Variants in TOLLIP observed in about 807,000 individuals in gnomAD.
TOLLIP encodes the protein toll interacting protein, also known as toll-interacting protein.
TOLLIP carries 16 observed loss-of-function variants against 33.5 expected under a neutral mutation model. The ratio of observed to expected loss-of-function variants is 0.48; its 90% confidence interval spans 0.32 to 0.72. The LOEUF (loss-of-function observed/expected upper bound fraction) is 0.72. TOLLIP is among the 30% of genes least tolerant of loss of function. The pLI is 0.03. For missense variants in TOLLIP, 325 were observed against 396.6 expected, an observed-to-expected ratio of 0.82 and a Z score of 1.53; for synonymous variants, 176 against 163.7, an observed-to-expected ratio of 1.07 and a Z score of -0.57.
rs1863381192 is a variant in TOLLIP at position 1,278,401 on chromosome 11, A to G, written c.611-1148T>C. On this transcript the variant is annotated intron_variant, in intron 5 of 5. Coordinates refer to ENST00000317204, the MANE Select transcript of TOLLIP (RefSeq NM_019009.4). The surrounding 1 kb of genome is among the most constrained non-coding windows in gnomAD (Gnocchi z 4.7). Reference sequence around the variant, plus strand: ...TAGGATAGGACTTTTGTTCCTTTCTACACTTGGAGGATCCTAAAGGCAGCA... The same window carrying G: ...TAGGATAGGACTTTTGTTCCTTTCTGCACTTGGAGGATCCTAAAGGCAGCA... Among the ~76,000 whole-genome samples, 1 of 152,150 alleles carries G rather than the reference A, an allele frequency of 6.6e-6. No homozygotes were observed. The highest frequency in any genetic ancestry group is 2.1e-4 in the South Asian group (1 of 4,822).
rs1255720385 is a variant in TOLLIP, at chr11:1,288,733, G to A, written c.410C>T (p.Thr137Ile). 2 of 1,612,896 alleles carry A rather than the reference G, an allele frequency of 1.2e-6. No homozygotes were observed. Among genetic ancestry groups the A allele is most frequent in the South Asian group, 2.2e-5 (2 of 91,084 alleles). The change falls in exon 4 of 6, where the codon ACC becomes ATC. Residue 137 changes from threonine to isoleucine, a missense_variant. Physicochemically the swap from Thr to Ile is moderately conservative, Grantham distance 89 (BLOSUM62 -1). Transcript: ENST00000317204. ...MDDRIAWTHI[T>I]IPESLRQGKV... ...GCCCTGCCTCAGGGACTCCGGGATGGTGATGTGGGTCCAGGCAATGCGGTC... is the reference window on the plus strand; with the variant it reads ...GCCCTGCCTCAGGGACTCCGGGATGATGATGTGGGTCCAGGCAATGCGGTC...
chr11:1,290,039 A>C lies in TOLLIP; in HGVS notation c.366+188T>G, dbSNP rs1306914465. 2 of 603,826 alleles carry C rather than the reference A, an allele frequency of 3.3e-6. No individual in the cohort carries two copies. The highest frequency in any genetic ancestry group is 5.6e-5 in the East Asian group (2 of 35,916). The allele number at this position is 603,826 out of a possible 1,614,324, so 37.4% of individuals were successfully genotyped here. A position where few individuals can be genotyped will look rare whatever the true frequency, so the allele number is the denominator to read the frequency against. ...TTTCCAAATGTAAGTATGTTCAAGG[A>C]GCTGGAAACAATCCCTTTTTCACAT... On this transcript the variant is annotated intron_variant, in intron 3 of 5. Transcript: ENST00000317204. This position sits in a 1 kb window ranked among gnomAD's most constrained non-coding sequence, Gnocchi z 4.9.
chr11:1,276,853 T>A lies in TOLLIP; in HGVS notation c.*186A>T, dbSNP rs973219916. On this transcript the variant is annotated 3_prime_UTR_variant, in exon 6 of 6. Coordinates refer to ENST00000317204, the MANE Select transcript of TOLLIP (RefSeq NM_019009.4). ...TGGGAGGGGAGCCCCCGCCCCGTCC[T>A]GGACCGCCAGGAACCGAAAACCCAC... 5.9e-6 allele frequency: 9 copies of A among 1,534,248 alleles called. No homozygotes were observed. The highest frequency in any genetic ancestry group is 2.0e-5 in the Admixed American group (1 of 50,972).
chr11:1,285,286 A>G (rs913584460), intron 5 of TOLLIP, among the ~76,000 whole-genome samples: 1 of 152,292 alleles, frequency 6.6e-6, no homozygotes, highest in East Asian at 1.9e-4. Context: ...AGAACGAGAG[A>G]GGCCACCTCA....
Position 1,277,312 on chromosome 11 carries a change from G to A in TOLLIP, c.611-59C>T. On this transcript the variant is annotated intron_variant, in intron 5 of 5. Transcript: ENST00000317204. This position sits in a 1 kb window ranked among gnomAD's most constrained non-coding sequence, Gnocchi z 4.2. ...GGAAAGTTCCAGAAGTGCCACACTA[G>A]CTCCTGCTGAAGGAAGAAAACAACG... 1 of 1,362,924 alleles carries A rather than the reference G, an allele frequency of 7.3e-7. No individual in the cohort carries two copies. The highest frequency in any genetic ancestry group is 9.9e-7 in the Non-Finnish European group (1 of 1,009,634). The allele number at this position is 1,362,924 out of a possible 1,614,324, so 84.4% of individuals were successfully genotyped here.
In TOLLIP at chr11:1,303,475, C is replaced by T. The variant is rs1456379240; in HGVS notation, c.33+5991G>A. 6.6e-6 allele frequency among the ~76,000 whole-genome samples: 1 copy of T among 152,190 alleles called. No homozygotes were observed. Among genetic ancestry groups the T allele is most frequent in the African/African-American group, 2.4e-5 (1 of 41,450 alleles). On this transcript the variant is annotated intron_variant, in intron 1 of 5. Transcript: ENST00000317204. The surrounding 1 kb of genome is among the most constrained non-coding windows in gnomAD (Gnocchi z 4.2). The stretch of plus-strand genomic sequence containing the variant: ...CACCCCTGCTCCTGGGATGCTTACA[C>T]GTGAGTGGAAGAAGACAAACGGGAA...
intron 4 of TOLLIP, among the ~76,000 whole-genome samples, chr11:1,287,591 GCCTCCCCGCCGCAC>G (rs1863771823): frequency 4.0e-4 from 2 of 4,982 alleles, no homozygotes; most frequent in Admixed American, 1.6e-3. Flanking sequence ...CCCCGCCGCA[GCCTCCCCGCCGCAC>G]CCTCCCCGCC....
intron 1 of TOLLIP, among the ~76,000 whole-genome samples, chr11:1,304,614 T>C (rs1864375362): frequency 6.6e-6 from 1 of 152,212 alleles, no homozygotes; most frequent in Non-Finnish European, 1.5e-5. Flanking sequence ...CTTTATTTAT[T>C]CTTTAGCCGG....
intron 3 of TOLLIP, among the ~76,000 whole-genome samples, chr11:1,289,282 G>GGGAGGAAAA (rs1213065283): frequency 1.3e-5 from 2 of 152,280 alleles, no homozygotes; most frequent in South Asian, 2.1e-4. Context: ...GAGAAAAGCC[G>GGGAGGAAAA]GGAGGAAAAG....
chr11:1,277,541 C>T lies in TOLLIP; in HGVS notation c.611-288G>A, dbSNP rs1045541359. Among the ~76,000 whole-genome samples, 3 of 152,166 alleles carry T rather than the reference C, an allele frequency of 2.0e-5. No homozygotes were observed. Among genetic ancestry groups the T allele is most frequent in the Non-Finnish European group, 4.4e-5 (3 of 68,030 alleles). ...AAAGTTTGATCTTTCAAATCTCACC[C>T]GAGTCTGTTTTATAACTAGCAGGCT... On this transcript the variant is annotated intron_variant, in intron 5 of 5. Coordinates refer to ENST00000317204, the MANE Select transcript of TOLLIP (RefSeq NM_019009.4). This position sits in a 1 kb window ranked among gnomAD's most constrained non-coding sequence, Gnocchi z 4.2.
At position 1,275,669 on chromosome 11, in the gene TOLLIP, A is replaced by T. The variant is rs1420501173; in HGVS notation, c.*1370T>A. The T allele has an allele frequency of 1.3e-5, 2 of 152,212 alleles. No individual in the cohort carries two copies. Among genetic ancestry groups the T allele is most frequent in the African/African-American group, 4.8e-5 (2 of 41,444 alleles). 9.4% of individuals were successfully genotyped at this position (152,212 alleles called of 1,614,324 possible). On this transcript the variant is annotated 3_prime_UTR_variant, in exon 6 of 6. Transcript: ENST00000317204. ...ACAAAAATAAATATTTATCAACAGT[A>T]TATTTGACAAAAACCACCCCCAATC...
chr11:1,276,892 C>T lies in TOLLIP; in HGVS notation c.*147G>A. The T allele has an allele frequency of 1.3e-6, 2 of 1,552,706 alleles. No homozygotes were observed. Among genetic ancestry groups the T allele is most frequent in the Non-Finnish European group, 8.7e-7 (1 of 1,153,384 alleles). ...CCGAAAACCCACATGCACCCAAGAA[C>T]AGGTGTGGACGGGGCGGCACAGAAG... is the stretch of plus-strand genomic sequence containing the variant. On this transcript the variant is annotated 3_prime_UTR_variant, in exon 6 of 6. Transcript: ENST00000317204.
At chr11:1,287,098 T>G (rs912756083) in intron 4 of TOLLIP, among the ~76,000 whole-genome samples, 1 of 151,686 alleles carries the variant, frequency 6.6e-6, no homozygotes, top group Non-Finnish European at 1.5e-5. Context: ...CGTCTCTGAG[T>G]TCAAAACTGT....
At chr11:1,282,802 T>A in intron 5 of TOLLIP, among the ~76,000 whole-genome samples, 1 of 146,504 alleles carries the variant, frequency 6.8e-6, no homozygotes, top group East Asian at 2.0e-4. Flanking sequence ...AATAAATAAA[T>A]AAAATAGGAA....
At position 1,275,110 on chromosome 11, in the gene TOLLIP, G is replaced by A. The variant is rs545654663; in HGVS notation, c.*1929C>T. On this transcript the variant is annotated 3_prime_UTR_variant, in exon 6 of 6. Transcript: ENST00000317204. The stretch of plus-strand genomic sequence containing the variant: ...GCGGCAAGCGTGGTCATCGGCAAAG[G>A]GTTGCTCTCCCTCCAGCGAGGCTGG... 8 of 152,318 alleles carry A rather than the reference G, an allele frequency of 5.3e-5. No individual in the cohort carries two copies. The highest frequency in any genetic ancestry group is 1.7e-4 in the African/African-American group (7 of 41,578). The allele number at this position is 152,318 out of a possible 1,614,324, so 9.4% of individuals were successfully genotyped here.
rs763753534 is a variant in TOLLIP at position 1,295,785 on chromosome 11, C to T, written c.43G>A (p.Gly15Ser). 1.1e-5 allele frequency: 18 copies of T among 1,570,908 alleles called. No homozygotes were observed. The highest frequency in any genetic ancestry group is 1.0e-5 in the Non-Finnish European group (12 of 1,156,994). ...VSTQRGPVYI[G>S]ELPQDFLRIT... ...CGGAGGAAGTCCTGCGGGAGCTCAC[C>T]GATGTACACCTGCGGGGCCGGGGAC... is the stretch of plus-strand genomic sequence containing the variant. The change falls in exon 2 of 6, where the codon GGT (glycine) becomes AGT (serine). Residue 15 changes from glycine (G) to serine (S), a missense_variant. Gly to Ser is a moderately conservative substitution (Grantham distance 56). Coordinates refer to ENST00000317204, the MANE Select transcript of TOLLIP (RefSeq NM_019009.4).
chr11:1,297,234 A>T (rs1371946639), intron 1 of TOLLIP, among the ~76,000 whole-genome samples: 6 of 152,014 alleles, frequency 3.9e-5, no homozygotes, highest in Non-Finnish European at 7.4e-5. Flanking sequence ...TGTGCCATGG[A>T]CTCCCAATGA....
In TOLLIP at chr11:1,275,138, C is replaced by G. The variant is rs1590200238; in HGVS notation, c.*1901G>C. The G allele has an allele frequency of 6.6e-6, 1 of 152,216 alleles. No homozygotes were observed. Among genetic ancestry groups the G allele is most frequent in the East Asian group, 1.9e-4 (1 of 5,196 alleles). The allele number at this position is 152,216 out of a possible 1,614,324, so 9.4% of individuals were successfully genotyped here. A position where few individuals can be genotyped will look rare whatever the true frequency, so the allele number is the denominator to read the frequency against. On this transcript the variant is annotated 3_prime_UTR_variant, in exon 6 of 6. Transcript: ENST00000317204. Reference sequence around the variant, plus strand: ...TGCTCTCCCTCCAGCGAGGCTGGCCCCCACTGTGTGGGTCCCTCGGGCCCC... The same window carrying G: ...TGCTCTCCCTCCAGCGAGGCTGGCCGCCACTGTGTGGGTCCCTCGGGCCCC...
Position 1,290,498 on chromosome 11 carries a change from A to C in TOLLIP, c.184-89T>G. The C allele has an allele frequency of 1.6e-6, 2 of 1,278,110 alleles. No individual in the cohort carries two copies. The highest frequency in any genetic ancestry group is 2.2e-6 in the Non-Finnish European group (2 of 907,752). 79.2% of individuals were successfully genotyped at this position (1,278,110 alleles called of 1,614,324 possible). On this transcript the variant is annotated intron_variant, in intron 2 of 5. Coordinates refer to ENST00000317204, the MANE Select transcript of TOLLIP (RefSeq NM_019009.4). This position sits in a 1 kb window ranked among gnomAD's most constrained non-coding sequence, Gnocchi z 4.9. ...GCCGTCTGCCTCCCTGAACCCTTCC[A>C]CGAGGCCTTTTCCTAACACATAGAC...
Sources: gnomAD v4.1 joint callset for allele counts (sites outside exome capture counted in the v4.1 genomes callset) on GRCh38, gnomAD v4.1.1 for gene constraint, Gnocchi (gnomAD v3.1) non-coding constraint, MANE v1.5 for transcripts, NCBI Gene and HGNC (gene_info 2026-07-23, HGNC 2026-07-21) for gene names.